Variants in AKR1C8 observed in about 807,000 individuals in gnomAD.
AKR1C8 encodes aldo-keto reductase family 1 member C8.
chr10:5,132,824 C>T, the AKR1C8 span: 1 of 736,224 alleles, frequency 1.4e-6, no homozygotes, highest in Middle Eastern at 4.2e-4. Context: ...ACAGGTAGTT[C>T]AGGCACAAAC....
chr10:5,142,753 G>C, the AKR1C8 span, among the ~76,000 whole-genome samples: 2 of 152,046 alleles, frequency 1.3e-5, no homozygotes, highest in South Asian at 4.1e-4. Context: ...CAAGATTACA[G>C]ATCAGACATT....
chr10:5,143,110 C>T, the AKR1C8 span, among the ~76,000 whole-genome samples: 1 of 152,042 alleles, frequency 6.6e-6, no homozygotes, highest in Non-Finnish European at 1.5e-5. Flanking sequence ...GTGAGGATGA[C>T]TCTGCATGAT....
At chr10:5,120,355 C>CTT in the AKR1C8 span, among the ~76,000 whole-genome samples, 5 of 110,154 alleles carry the variant, frequency 4.5e-5, no homozygotes, top group African/African-American at 2.0e-4. Context: ...GTGTGTGTGT[C>CTT]TTTAATTCCT....
chr10:5,120,263 A>G, the AKR1C8 span, among the ~76,000 whole-genome samples: 9 of 152,152 alleles, frequency 5.9e-5, no homozygotes, highest in Middle Eastern at 3.2e-3. Context: ...CTTACTGTCG[A>G]TAAATATGTG....
At chr10:5,142,984 A>G in the AKR1C8 span, among the ~76,000 whole-genome samples, 1 of 152,114 alleles carries the variant, frequency 6.6e-6, no homozygotes, top group Non-Finnish European at 1.5e-5. Flanking sequence ...TACTGTGTTC[A>G]TAAATGGGTT....
chr10:5,117,809 G>T, the AKR1C8 span, among the ~76,000 whole-genome samples: 2 of 152,126 alleles, frequency 1.3e-5, no homozygotes, highest in African/African-American at 4.8e-5. Context: ...TTAACAAGCA[G>T]CTATGAAAAA....
chr10:5,175,410 G>A, the AKR1C8 span, among the ~76,000 whole-genome samples: 32 of 152,082 alleles, frequency 2.1e-4, no homozygotes, highest in Non-Finnish European at 4.4e-4. Context: ...AGTCTTTGCT[G>A]TTGTGAATAG....
the AKR1C8 span, among the ~76,000 whole-genome samples, chr10:5,140,838 AAAAG>A: frequency 6.6e-6 from 1 of 151,970 alleles, no homozygotes; most frequent in Non-Finnish European, 1.5e-5. Context: ...ATAATTTAAA[AAAAG>A]AAAGAAAGAA....
chr10:5,145,113 C>G, the AKR1C8 span, among the ~76,000 whole-genome samples: 71 of 152,152 alleles, frequency 4.7e-4, 1 homozygote, highest in South Asian at 9.5e-3. Flanking sequence ...GCCTTTTCTG[C>G]ATCTATTGAG....
At chr10:5,152,960 T>C in the AKR1C8 span, among the ~76,000 whole-genome samples, 1 of 152,268 alleles carries the variant, frequency 6.6e-6, no homozygotes, top group East Asian at 1.9e-4. Flanking sequence ...CTGTTCAATG[T>C]ACAAATTTCT....
the AKR1C8 span, chr10:5,157,855 G>A: frequency 2.3e-6 from 1 of 428,532 alleles, no homozygotes; most frequent in South Asian, 1.8e-5. Context: ...AAAATCTACA[G>A]TGCGCTGCTC....
the AKR1C8 span, among the ~76,000 whole-genome samples, chr10:5,121,780 G>T: frequency 6.6e-6 from 1 of 152,138 alleles, no homozygotes; most frequent in Non-Finnish European, 1.5e-5. Flanking sequence ...AATTAAGACA[G>T]CCCTGTGCCT....
At chr10:5,151,337 C>T in the AKR1C8 span, among the ~76,000 whole-genome samples, 1 of 152,046 alleles carries the variant, frequency 6.6e-6, no homozygotes, top group African/African-American at 2.4e-5. Context: ...GCAGTCTAGT[C>T]CCCAGGCAGG....
chr10:5,151,801 C>G, the AKR1C8 span, among the ~76,000 whole-genome samples: 62 of 152,236 alleles, frequency 4.1e-4, 1 homozygote, highest in East Asian at 0.011. Flanking sequence ...AGGTGATCTG[C>G]CCACCTCGGC....
the AKR1C8 span, among the ~76,000 whole-genome samples, chr10:5,121,166 C>A: frequency 6.6e-6 from 1 of 152,102 alleles, no homozygotes; most frequent in Non-Finnish European, 1.5e-5. Flanking sequence ...ACACTCCCCT[C>A]CAAACTTCTT....
At chr10:5,130,411 G>A in the AKR1C8 span, among the ~76,000 whole-genome samples, 2 of 151,806 alleles carry the variant, frequency 1.3e-5, no homozygotes, top group Non-Finnish European at 2.9e-5. Context: ...ACTTAATCCT[G>A]GAGGTCCTAG....
At chr10:5,147,567 G>C in the AKR1C8 span, among the ~76,000 whole-genome samples, 3 of 152,084 alleles carry the variant, frequency 2.0e-5, no homozygotes, top group African/African-American at 4.8e-5. Context: ...GTAAAGTCAG[G>C]AGAAACAGGA....
the AKR1C8 span, among the ~76,000 whole-genome samples, chr10:5,157,235 G>T: frequency 6.6e-6 from 1 of 152,170 alleles, no homozygotes; most frequent in African/African-American, 2.4e-5. Flanking sequence ...GGTGAAAACT[G>T]GCCTGGGGTG....
chr10:5,171,379 A>G, the AKR1C8 span, among the ~76,000 whole-genome samples: 7 of 152,088 alleles, frequency 4.6e-5, no homozygotes, highest in African/African-American at 1.7e-4. Flanking sequence ...ATTATTACTG[A>G]TAATACACAC....
Sources: allele counts gnomAD v4.1 joint callset (sites outside exome capture counted in the v4.1 genomes callset), GRCh38; gene constraint gnomAD v4.1.1; transcripts MANE v1.5; gene names NCBI Gene and HGNC (gene_info 2026-07-23, HGNC 2026-07-21).